Variants in PCSK5 observed in about 807,000 individuals in gnomAD.
PCSK5 encodes the protein prohormone convertase 5.
In PCSK5, 129 loss-of-function variants were observed where a neutral mutation model predicts 233.2. That is an observed-to-expected ratio of 0.55 (90% confidence interval 0.48 to 0.64). The LOEUF is 0.64. PCSK5 is among the 30% of genes least tolerant of loss of function. The pLI is 0.00. For synonymous variants in PCSK5, 825 were observed against 879.2 expected, an observed-to-expected ratio of 0.94 and a Z score of 1.09; for missense variants, 2,076 against 2,430.1, an observed-to-expected ratio of 0.85 and a Z score of 3.06.
intron 22 of PCSK5, among the ~76,000 whole-genome samples, chr9:76,238,409 G>C (rs1587792236): frequency 6.6e-6 from 1 of 152,190 alleles, no homozygotes; most frequent in South Asian, 2.1e-4. Flanking sequence ...AAGTGTGCTT[G>C]GTCTAGTGCT....
intron 5 of PCSK5, among the ~76,000 whole-genome samples, chr9:76,046,170 T>TTG (rs1829373836): frequency 4.1e-5 from 3 of 73,256 alleles, no homozygotes; most frequent in African/African-American, 1.8e-4. Context: ...GTTTTTTTTT[T>TTG]TTTTTTTTTT....
chr9:76,197,290 T>G (rs550638520), intron 20 of PCSK5, among the ~76,000 whole-genome samples: 52 of 152,198 alleles, frequency 3.4e-4, no homozygotes, highest in Non-Finnish European at 6.5e-4. Flanking sequence ...CATGGGAGAC[T>G]GCTAATTATC....
rs1268778159 is a variant in PCSK5 at position 75,979,012 on chromosome 9, GC to G, written c.298-7117del. The stretch of plus-strand genomic sequence containing the variant: ...CTCAGCCTCCCAAGTAGCTGGGATT[GC>G]CCAGCTAATTTTGTATTTTTAGTAG... On this transcript the variant is annotated intron_variant, in intron 2 of 37. Transcript: ENST00000674117. Among the ~76,000 whole-genome samples the G allele has an allele frequency of 3.3e-5, 5 of 151,830 alleles. No homozygotes were observed. The East Asian group carries it at 9.7e-4, about 30-fold the overall frequency.
rs560425426 is a variant in PCSK5 at position 76,328,031 on chromosome 9, C to T, written c.4362C>T (p.Thr1454=). The change falls in exon 33 of 38, where the codon ACC becomes ACT. Residue 1454 remains threonine, a synonymous_variant. Transcript: ENST00000674117. ...CAGATTGCCACAAGTCCTGCTTGAC[C>T]TGCTCATCATCTGGGACCTGCACCA... ...ECRDCHKSCL[T]CSSSGTCTTC... 1.9e-6 allele frequency: 3 copies of T among 1,612,384 alleles called. No individual in the cohort carries two copies. The highest frequency in any genetic ancestry group is 2.2e-5 in the East Asian group (1 of 44,862).
At chr9:76,001,590 G>A (rs1827266165) in intron 3 of PCSK5, among the ~76,000 whole-genome samples, 1 of 151,402 alleles carries the variant, frequency 6.6e-6, no homozygotes, top group African/African-American at 2.4e-5. Context: ...ATAGTAAGTG[G>A]AAGGTAGCAA....
intron 25 of PCSK5, among the ~76,000 whole-genome samples, chr9:76,292,676 T>C (rs1280645806): frequency 6.6e-6 from 1 of 152,170 alleles, no homozygotes; most frequent in African/African-American, 2.4e-5. Context: ...TATCAGCTCT[T>C]AGTCATCCCC....
At chr9:75,891,420 G>T (rs780971108) in intron 1 of PCSK5, 47 bp downstream of exon 1, 4 of 1,420,804 alleles carry the variant, frequency 2.8e-6, no homozygotes, top group Non-Finnish European at 3.8e-6. Flanking sequence ...AAGCCACTGG[G>T]GGCTTCTTGT....
At chr9:76,105,373 G>T (rs1831935704) in intron 8 of PCSK5, among the ~76,000 whole-genome samples, 1 of 152,092 alleles carries the variant, frequency 6.6e-6, no homozygotes, top group Non-Finnish European at 1.5e-5. Context: ...TTGCCAGGGG[G>T]CAAGGGGAGG....
chr9:76,302,061 T>C (rs891255169), intron 27 of PCSK5, 76 bp from the exon 28 acceptor site: 7 of 607,750 alleles, frequency 1.2e-5, no homozygotes, highest in Non-Finnish European at 1.6e-5. Flanking sequence ...GGGTGGTGGG[T>C]TTATAGGTGA....
At chr9:76,254,473 T>TAA (rs76446171) in intron 24 of PCSK5, among the ~76,000 whole-genome samples, 10 of 143,234 alleles carry the variant, frequency 7.0e-5, no homozygotes, top group South Asian at 2.2e-4. Context: ...AGTCACTATT[T>TAA]AAAAAAAAAA....
chr9:76,080,089 T>TC (rs1830778249), intron 7 of PCSK5, among the ~76,000 whole-genome samples: 1 of 152,130 alleles, frequency 6.6e-6, no homozygotes, highest in Non-Finnish European at 1.5e-5. Flanking sequence ...CTCCTTTTTT[T>TC]CCCTTTAAAA....
At chr9:76,332,052 G>A (rs781064429) in intron 33 of PCSK5, among the ~76,000 whole-genome samples, 5 of 152,200 alleles carry the variant, frequency 3.3e-5, no homozygotes, top group Admixed American at 1.3e-4. Flanking sequence ...GCTGGACAAT[G>A]AGCCATTGCC....
At chr9:76,308,487 G>A (rs1828771302) in intron 28 of PCSK5, among the ~76,000 whole-genome samples, 158 bp from the exon 29 acceptor site, 1 of 152,210 alleles carries the variant, frequency 6.6e-6, no homozygotes, top group Non-Finnish European at 1.5e-5. Flanking sequence ...CTACACAATG[G>A]CAATGAGCCA....
At chr9:76,187,527 AT>A (rs1004474179) in intron 17 of PCSK5, among the ~76,000 whole-genome samples, 1 of 151,150 alleles carries the variant, frequency 6.6e-6, no homozygotes, top group African/African-American at 2.4e-5. Context: ...ATGCCTAGCA[AT>A]TTTTTTTTAG....
At chr9:76,000,929 T>TA (rs1163923957) in intron 3 of PCSK5, among the ~76,000 whole-genome samples, 2 of 151,628 alleles carry the variant, frequency 1.3e-5, no homozygotes, top group African/African-American at 2.4e-5. Flanking sequence ...TTTTTTTTTT[T>TA]AAACTCATAT....
chr9:76,170,163 C>T (rs1274631914), intron 13 of PCSK5, among the ~76,000 whole-genome samples: 1 of 152,236 alleles, frequency 6.6e-6, no homozygotes, highest in Non-Finnish European at 1.5e-5. Context: ...TCCACCGGCA[C>T]TGAGTTCAAT....
At chr9:76,118,340 C>T (rs1287696137) in intron 9 of PCSK5, among the ~76,000 whole-genome samples, 4 of 149,032 alleles carry the variant, frequency 2.7e-5, no homozygotes, top group African/African-American at 7.8e-5. Context: ...TAAAGTGACT[C>T]ATTCTGATTA....
At chr9:76,139,393 A>G (rs1823109652) in intron 10 of PCSK5, among the ~76,000 whole-genome samples, 2 of 152,218 alleles carry the variant, frequency 1.3e-5, no homozygotes, top group African/African-American at 4.8e-5. Context: ...CACTGTTGGT[A>G]GCTATGATTA....
At chr9:75,950,270 CAA>C (rs1204605964) in intron 2 of PCSK5, among the ~76,000 whole-genome samples, 1 of 149,712 alleles carries the variant, frequency 6.7e-6, no homozygotes, top group African/African-American at 2.5e-5. Flanking sequence ...TCTTGTGTAA[CAA>C]GAGATATTAA....
Sources: allele counts gnomAD v4.1 joint callset (sites outside exome capture counted in the v4.1 genomes callset), GRCh38; gene constraint gnomAD v4.1.1; transcripts MANE v1.5; gene names NCBI Gene and HGNC (gene_info 2026-07-23, HGNC 2026-07-21).